GYS2: variants seen among roughly 807,000 people sequenced by gnomAD.
The protein encoded by GYS2 is glycogen [starch] synthase, liver.
GYS2 carries 80 observed loss-of-function variants against 85.6 expected under a neutral mutation model. The ratio of observed to expected loss-of-function variants is 0.93; its 90% confidence interval spans 0.78 to 1.13. The LOEUF (loss-of-function observed/expected upper bound fraction) is 1.13, where lower values mean the gene tolerates loss of function less well. Among genes scored for constraint, GYS2 ranks in the 50% most tolerant of loss-of-function variants. The probability of loss-of-function intolerance (pLI) is 0.00; values close to 1 mark genes in which losing one functional copy is unlikely to be tolerated. For missense variants in GYS2, 881 were observed against 854.9 expected, an observed-to-expected ratio of 1.03 and a Z score of -0.38; for synonymous variants, 328 against 300.7, an observed-to-expected ratio of 1.09 and a Z score of -0.94.
chr12:21,596,536 A>G (rs539596725), intron 1 of GYS2, among the ~76,000 whole-genome samples: 2 of 152,326 alleles, frequency 1.3e-5, no homozygotes, highest in Middle Eastern at 3.4e-3. Flanking sequence ...AAAGCATTCA[A>G]CAAAATCCAG....
chr12:21,588,703 C>G (rs549161815), intron 1 of GYS2, among the ~76,000 whole-genome samples: 4 of 152,328 alleles, frequency 2.6e-5, no homozygotes, highest in African/African-American at 9.6e-5. Flanking sequence ...GAAGCAGAAA[C>G]TTCTAGACTG....
At position 21,575,977 on chromosome 12, in the gene GYS2, G is replaced by A. The variant is rs1944442157; in HGVS notation, c.384C>T (p.Asp128=). 1 of 1,613,494 alleles carries A rather than the reference G, an allele frequency of 6.2e-7. No individual in the cohort carries two copies. The highest frequency in any genetic ancestry group is 1.1e-5 in the South Asian group (1 of 91,066). ...FDIGYSAWNL[D]RWKGDLWEAC... is the part of the protein sequence containing the mutation. Reference sequence around the variant, plus strand: ...CTTCCCAGAGGTCACCCTTCCACCTGTCCAGATTCCAAGCTGAATAGCCTA... The same window carrying A: ...CTTCCCAGAGGTCACCCTTCCACCTATCCAGATTCCAAGCTGAATAGCCTA... The change falls in exon 3 of 16, where the codon GAC becomes GAT. Residue 128 remains aspartate, a synonymous_variant. Transcript: ENST00000261195.
chr12:21,571,927 A>G (rs1490364379), intron 4 of GYS2, among the ~76,000 whole-genome samples: 1 of 136,646 alleles, frequency 7.3e-6, no homozygotes, highest in Non-Finnish European at 1.5e-5. Flanking sequence ...ACGCTACGGC[A>G]CTCTAGCCTG....
At chr12:21,587,797 T>C (rs1339621142) in intron 1 of GYS2, among the ~76,000 whole-genome samples, 1 of 151,776 alleles carries the variant, frequency 6.6e-6, no homozygotes, top group Non-Finnish European at 1.5e-5. Flanking sequence ...CTTAATGGGG[T>C]AATTAAAAGG....
intron 14 of GYS2, among the ~76,000 whole-genome samples, chr12:21,540,060 A>C (rs530029502): frequency 6.6e-6 from 1 of 152,188 alleles, no homozygotes; most frequent in Non-Finnish European, 1.5e-5. Context: ...TGACTACACT[A>C]TTTCTCTAGA....
intron 5 of GYS2, among the ~76,000 whole-genome samples, chr12:21,563,762 GCA>G (rs533910371): frequency 5.3e-5 from 8 of 152,246 alleles, no homozygotes; most frequent in Non-Finnish European, 1.2e-4. Context: ...GGAAACTCAG[GCA>G]CAGAGTTGTT....
chr12:21,545,003 C>A (rs768815521), intron 12 of GYS2, among the ~76,000 whole-genome samples: 9 of 152,178 alleles, frequency 5.9e-5, no homozygotes, highest in African/African-American at 2.2e-4. Flanking sequence ...AATTCTTCCT[C>A]TTCATAATTC....
At chr12:21,580,308 T>A (rs751334550) in intron 2 of GYS2, 34 bp downstream of exon 2, 16 of 1,566,796 alleles carry the variant, frequency 1.0e-5, no homozygotes, top group Non-Finnish European at 1.3e-5. Context: ...ATAAGTTTAC[T>A]GAGAATTGCC....
chr12:21,547,660 C>T (rs1042880559), intron 11 of GYS2, among the ~76,000 whole-genome samples: 5 of 152,032 alleles, frequency 3.3e-5, no homozygotes, highest in African/African-American at 1.2e-4. Context: ...ATTTTTAGGG[C>T]AGTGAAACTA....
intron 2 of GYS2, among the ~76,000 whole-genome samples, chr12:21,579,454 A>G (rs949824722): frequency 2.7e-5 from 4 of 149,782 alleles, no homozygotes; most frequent in Non-Finnish European, 5.9e-5. Context: ...CCTGGGTTCA[A>G]GTGATTCTCC....
Position 21,562,991 on chromosome 12 carries a change from C to G in GYS2, c.989G>C (p.Gly330Ala), listed in dbSNP as rs867225626. The stretch of plus-strand genomic sequence containing the variant: ...TCCTTTGTTTGAAAACTCATACCTC[C>G]CAGCAATGAAAAGGAACAAAGTCTT... ...LEKTLFLFIA[G>A]RYEFSNKGAD... The change falls in exon 7 of 16, where the codon GGG (glycine) becomes GCG (alanine). Residue 330 changes from glycine (G) to alanine (A), a missense_variant. By Grantham distance (60) the Gly-to-Ala change is moderately conservative. Coordinates refer to ENST00000261195, the MANE Select transcript of GYS2 (RefSeq NM_021957.4). 1 of 1,613,126 alleles carries G rather than the reference C, an allele frequency of 6.2e-7. No homozygotes were observed. Among genetic ancestry groups the G allele is most frequent in the Non-Finnish European group, 8.5e-7 (1 of 1,179,312 alleles).
chr12:21,546,283 G>C (rs1041473270), intron 12 of GYS2, 61 bp downstream of exon 12: 10 of 1,123,484 alleles, frequency 8.9e-6, no homozygotes, highest in Non-Finnish European at 1.3e-5. Flanking sequence ...TTATATATAT[G>C]CACATAAAAT....
intron 1 of GYS2, among the ~76,000 whole-genome samples, chr12:21,586,466 C>G (rs1944575844): frequency 7.0e-6 from 1 of 143,402 alleles, no homozygotes; most frequent in Non-Finnish European, 1.5e-5. Flanking sequence ...TATCTATCTC[C>G]TATTAGTTCT....
intron 11 of GYS2, among the ~76,000 whole-genome samples, chr12:21,554,116 G>C (rs1233100921): frequency 1.3e-5 from 2 of 151,728 alleles, no homozygotes; most frequent in Non-Finnish European, 2.9e-5. Context: ...AGGAAGGAAA[G>C]AAGAATGGAA....
chr12:21,574,356 A>T, intron 3 of GYS2, 30 bp from the exon 4 acceptor site: 1 of 1,566,826 alleles, frequency 6.4e-7, no homozygotes, highest in Non-Finnish European at 8.8e-7. Context: ...GCATTCAGAA[A>T]AGTTGTTGAT....
chr12:21,565,390 AAT>A (rs55790137), intron 5 of GYS2, among the ~76,000 whole-genome samples: 2,062 of 73,164 alleles, frequency 0.028, 22 homozygotes, highest in Middle Eastern at 0.062. Flanking sequence ...CCATCCATGA[AAT>A]ATATATATAT....
chr12:21,559,737 T>A, intron 8 of GYS2, 27 bp from the exon 9 acceptor site: 1 of 1,373,450 alleles, frequency 7.3e-7, no homozygotes, highest in Non-Finnish European at 1.0e-6. Flanking sequence ...GATTTATCAT[T>A]TAAACAGTAT....
At chr12:21,602,675 G>A (rs1392706831) in intron 1 of GYS2, among the ~76,000 whole-genome samples, 1 of 151,814 alleles carries the variant, frequency 6.6e-6, no homozygotes, top group Non-Finnish European at 1.5e-5. Context: ...GCAGCTTAGG[G>A]GTTGAAAAAC....
chr12:21,601,007 A>G (rs1159773253), intron 1 of GYS2, among the ~76,000 whole-genome samples: 1 of 152,180 alleles, frequency 6.6e-6, no homozygotes, highest in African/African-American at 2.4e-5. Context: ...TTTAGGGACT[A>G]CATCGCTCAA....
Sources: gnomAD v4.1 joint callset for allele counts (sites outside exome capture counted in the v4.1 genomes callset) on GRCh38, gnomAD v4.1.1 for gene constraint, MANE v1.5 for transcripts, NCBI Gene and HGNC (gene_info 2026-07-23, HGNC 2026-07-21) for gene names.